IL1RL2: variants seen among roughly 807,000 people sequenced by gnomAD.
IL1RL2 encodes interleukin-1 receptor-like 2.
In IL1RL2, 68 loss-of-function variants were observed where a neutral mutation model predicts 66.8. The observed-to-expected ratio is 1.02, with a 90% CI of 0.84 to 1.25. The LOEUF (loss-of-function observed/expected upper bound fraction) is 1.25. Ranked by LOEUF, IL1RL2 falls within the 50% of genes most tolerant of loss-of-function variation. The pLI is 0.00. For missense variants in IL1RL2, 729 were observed against 709.3 expected (o/e 1.03, Z -0.32); for synonymous variants, 305 against 264.6 (o/e 1.15, Z -1.48).
intron 5 of IL1RL2, among the ~76,000 whole-genome samples, chr2:102,204,123 A>G (rs1458765202): frequency 6.6e-6 from 1 of 152,036 alleles, no homozygotes; most frequent in Non-Finnish European, 1.5e-5. Flanking sequence ...TTTCCTTCTT[A>G]ATTTCTTCAT....
At chr2:102,218,877 C>A in intron 6 of IL1RL2, 76 bp from the exon 7 acceptor site, 1 of 1,312,534 alleles carries the variant, frequency 7.6e-7, no homozygotes, top group Non-Finnish European at 1.1e-6. Context: ...GTACGATGCA[C>A]TTGTAATCCA....
At chr2:102,232,580 C>T (rs969367268) in intron 9 of IL1RL2, among the ~76,000 whole-genome samples, 1 of 152,224 alleles carries the variant, frequency 6.6e-6, no homozygotes, top group Non-Finnish European at 1.5e-5. Context: ...CCTGCTTCAG[C>T]TTGTTTATTA....
chr2:102,190,978 T>A (rs754840048), intron 3 of IL1RL2, among the ~76,000 whole-genome samples: 21 of 152,224 alleles, frequency 1.4e-4, no homozygotes, highest in Non-Finnish European at 2.5e-4. Flanking sequence ...TACTTTTTGC[T>A]TTGAAATAAT....
chr2:102,222,474 G>A (rs979552334), intron 8 of IL1RL2, among the ~76,000 whole-genome samples: 10 of 152,112 alleles, frequency 6.6e-5, no homozygotes, highest in African/African-American at 2.4e-4. Flanking sequence ...GTGATTCACC[G>A]ATATTTACTG....
Position 102,212,100 on chromosome 2 carries a change from C to T in IL1RL2, c.650C>T (p.Thr217Ile). 6.2e-7 allele frequency: 1 copy of T among 1,609,540 alleles called. No individual in the cohort carries two copies. Among genetic ancestry groups the T allele is most frequent in the Non-Finnish European group, 8.5e-7 (1 of 1,176,118 alleles). Residue 217 changes from threonine to isoleucine, a missense_variant and splice_region_variant, in exon 6 of 12, where the codon ACA (threonine) becomes ATA (isoleucine). Physicochemically the swap from Thr to Ile is moderately conservative, Grantham distance 89. Coordinates refer to ENST00000264257, the MANE Select transcript of IL1RL2 (RefSeq NM_003854.4). ...EVLNGITVSI[T>I]ERAGYGGSVP... ...ATTTCCTGTGGGTATGATTTCTTAGCAGAAAGAGCTGGATATGGAGGAAGT... is the reference window on the plus strand; with the variant it reads ...ATTTCCTGTGGGTATGATTTCTTAGTAGAAAGAGCTGGATATGGAGGAAGT...
Position 102,239,418 on chromosome 2 carries a change from T to C in IL1RL2, c.*177T>C, listed in dbSNP as rs1335467626. 6.7e-6 allele frequency: 4 copies of C among 600,456 alleles called. No individual in the cohort carries two copies. The highest frequency in any genetic ancestry group is 1.8e-5 in the African/African-American group (1 of 54,150). 37.2% of individuals were successfully genotyped at this position (600,456 alleles called of 1,614,324 possible). The stretch of plus-strand genomic sequence containing the variant: ...AAGAACTGGGGCCATCCCCATGTCA[T>C]GGTGGGTGAGAGCTGGGGCCATCCC... On this transcript the variant is annotated 3_prime_UTR_variant, in exon 12 of 12. Coordinates refer to ENST00000264257, the MANE Select transcript of IL1RL2 (RefSeq NM_003854.4).
At chr2:102,222,750 T>C (rs1690249981) in intron 8 of IL1RL2, among the ~76,000 whole-genome samples, 1 of 152,168 alleles carries the variant, frequency 6.6e-6, no homozygotes, top group South Asian at 2.1e-4. Flanking sequence ...CTTCTGACTT[T>C]CCATTGGCTT....
At chr2:102,192,142 G>T in intron 4 of IL1RL2, 22 bp downstream of exon 4, 4 of 1,493,674 alleles carry the variant, frequency 2.7e-6, no homozygotes, top group South Asian at 2.6e-5. Context: ...TTTTCTTATT[G>T]ATATTTTTCC....
At chr2:102,233,358 C>G (rs1056565004) in intron 10 of IL1RL2, among the ~76,000 whole-genome samples, 3 of 152,140 alleles carry the variant, frequency 2.0e-5, no homozygotes, top group Admixed American at 2.0e-4. Flanking sequence ...TTCCTGCTTG[C>G]AGCAGCACGC....
intron 9 of IL1RL2, among the ~76,000 whole-genome samples, chr2:102,231,545 G>C (rs540768145): frequency 6.8e-6 from 1 of 146,316 alleles, no homozygotes; most frequent in South Asian, 2.1e-4. Context: ...ATCCAGGAGC[G>C]GTCCCATGTT....
Position 102,201,704 on chromosome 2 carries a change from C to T in IL1RL2, c.638C>T (p.Thr213Ile), listed in dbSNP as rs1688274721. 1 of 1,613,724 alleles carries T rather than the reference C, an allele frequency of 6.2e-7. No homozygotes were observed. ...CAGTACGAGGTTTTAAATGGCATCACTGTGAGCATTAGTAAGTATGCTCAT... is the reference window on the plus strand; with the variant it reads ...CAGTACGAGGTTTTAAATGGCATCATTGTGAGCATTAGTAAGTATGCTCAT... ...GKQYEVLNGI[T>I]VSITERAGYG... The change falls in exon 5 of 12, where the codon ACT becomes ATT. Residue 213 changes from threonine to isoleucine, a missense_variant. By Grantham distance (89) the Thr-to-Ile change is moderately conservative (BLOSUM62 -1). Transcript: ENST00000264257.
At chr2:102,231,359 C>T (rs1056889983) in intron 9 of IL1RL2, among the ~76,000 whole-genome samples, 52 of 152,124 alleles carry the variant, frequency 3.4e-4, no homozygotes, top group African/African-American at 1.2e-3. Context: ...TTAGCCGGGC[C>T]TGGTGGCGGG....
At chr2:102,190,235 T>C (rs910200824) in intron 3 of IL1RL2, among the ~76,000 whole-genome samples, 2 of 152,228 alleles carry the variant, frequency 1.3e-5, no homozygotes, top group African/African-American at 2.4e-5. Context: ...TCGGAATTTG[T>C]GTGTGCAACT....
chr2:102,187,100 C>A lies in IL1RL2; in HGVS notation c.-13+14C>A. 7.8e-7 allele frequency: 1 copy of A among 1,289,742 alleles called. No individual in the cohort carries two copies. Among genetic ancestry groups the A allele is most frequent in the Non-Finnish European group, 1.0e-6 (1 of 988,800 alleles). 79.9% of individuals were successfully genotyped at this position (1,289,742 alleles called of 1,614,324 possible). A position where few individuals can be genotyped will look rare whatever the true frequency, so the allele number is the denominator to read the frequency against. On this transcript the variant is annotated intron_variant, in intron 1 of 11. Transcript: ENST00000264257. ...TCCTGCAGGCAGGTAGACACCGGGC[C>A]GGGAGTCTGGCTGAGCCAGGCATGG...
chr2:102,226,660 AAGAG>A lies in IL1RL2; in HGVS notation c.1135+628_1135+631del, dbSNP rs558383250. On this transcript the variant is annotated intron_variant, in intron 9 of 11. Transcript: ENST00000264257. ...GAAGGAGACAGGGAGGGAGGAAAGA[AAGAG>A]AGAGAGAGGGAGGAAGGAAAGGAGA... Among the ~76,000 whole-genome samples, 604 of 152,050 alleles carry A rather than the reference AAGAG, an allele frequency of 4.0e-3. 4 individuals carry two copies. Among genetic ancestry groups the A allele is most frequent in the African/African-American group, 0.014 (568 of 41,484 alleles).
At chr2:102,203,955 T>A (rs528002995) in intron 5 of IL1RL2, among the ~76,000 whole-genome samples, 3 of 152,086 alleles carry the variant, frequency 2.0e-5, no homozygotes, top group Non-Finnish European at 4.4e-5. Flanking sequence ...GCTTTTCTAG[T>A]TCTTTAAGAT....
intron 10 of IL1RL2, 99 bp from the exon 11 acceptor site, chr2:102,234,798 G>T: frequency 2.6e-6 from 3 of 1,158,478 alleles, no homozygotes; most frequent in Non-Finnish European, 2.5e-6. Flanking sequence ...AAAAAAAAAA[G>T]TCAATTTTCT....
intron 8 of IL1RL2, among the ~76,000 whole-genome samples, chr2:102,224,709 A>G (rs1424584821): frequency 6.6e-6 from 1 of 152,230 alleles, no homozygotes; most frequent in East Asian, 1.9e-4. Context: ...ATAATTCAGT[A>G]TAACTAGAGG....
Position 102,239,462 on chromosome 2 carries a change from G to C in IL1RL2, c.*221G>C. The C allele has an allele frequency of 2.0e-6, 1 of 503,676 alleles. No individual in the cohort carries two copies. The highest frequency in any genetic ancestry group is 3.7e-6 in the Non-Finnish European group (1 of 272,032). 31.2% of individuals were successfully genotyped at this position (503,676 alleles called of 1,614,324 possible). Reference sequence around the variant, plus strand: ...CCATCCCCGTGGTCATGGAGGGTGAGAGCTGGGGGTTATCCCCATGGTCAT... The same window carrying C: ...CCATCCCCGTGGTCATGGAGGGTGACAGCTGGGGGTTATCCCCATGGTCAT... On this transcript the variant is annotated 3_prime_UTR_variant, in exon 12 of 12. Transcript: ENST00000264257.
Sources: gnomAD v4.1 joint callset for allele counts (sites outside exome capture counted in the v4.1 genomes callset) on GRCh38, gnomAD v4.1.1 for gene constraint, MANE v1.5 for transcripts, NCBI Gene and HGNC (gene_info 2026-07-23, HGNC 2026-07-21) for gene names.